The following MILR1 variants were observed in gnomAD, a reference collection of about 807,000 sequenced individuals.
The protein encoded by MILR1 is mast cell immunoglobulin like receptor 1, also known as allergin-1.
Under a neutral mutation model 18.5 loss-of-function variants are expected in MILR1, and 31 were observed. The observed-to-expected ratio is 1.68, with a 90% CI of 1.26 to 2.26. The LOEUF (loss-of-function observed/expected upper bound fraction) is 2.26. MILR1 is among the 30% of genes most tolerant of loss of function. The probability of loss-of-function intolerance (pLI) is 0.00; values close to 1 mark genes in which losing one functional copy is unlikely to be tolerated. For missense variants in MILR1, 257 were observed against 157.4 expected (o/e 1.63, Z -3.38); for synonymous variants, 85 against 56.2 (o/e 1.51, Z -2.30).
the MILR1 span, chr17:64,497,071 C>T: frequency 8.3e-7 from 1 of 1,204,544 alleles, no homozygotes. Flanking sequence ...GCAGGCGCAA[C>T]GGAGGTGAGC....
chr17:64,490,272 A>G, the MILR1 span, among the ~76,000 whole-genome samples: 1 of 152,204 alleles, frequency 6.6e-6, no homozygotes, highest in African/African-American at 2.4e-5. Context: ...GGAGAAATCT[A>G]GTAGAAACCA....
rs1198211479 is a variant in MILR1, at chr17:64,452,831, C to T, written c.332C>T (p.Ser111Leu). ...TGCAAAGCCCAAGTTACCAGCTGTT[C>T]AAAATACAGTCGTGACTTCAGCTTC... ...YKCKAQVTSC[S>L]KYSRDFSFTI... The change falls in exon 3 of 10, where the codon TCA becomes TTA. Residue 111 changes from serine to leucine, a missense_variant. Coordinates refer to ENST00000619286, the MANE Select transcript of MILR1 (RefSeq NM_001085423.2). 1 of 475,068 alleles carries T rather than the reference C, an allele frequency of 2.1e-6. No homozygotes were observed. The highest frequency in any genetic ancestry group is 3.9e-6 in the Non-Finnish European group (1 of 259,030). The allele number at this position is 475,068 out of a possible 1,614,324, so 29.4% of individuals were successfully genotyped here.
At chr17:64,460,341 A>G (rs2037404839) in intron 4 of MILR1, among the ~76,000 whole-genome samples, 15 of 150,676 alleles carry the variant, frequency 1.0e-4, no homozygotes, top group Non-Finnish European at 2.2e-4. Flanking sequence ...TTGTTTATTT[A>G]TTAACTTATT....
the MILR1 span, among the ~76,000 whole-genome samples, chr17:64,476,173 A>C: frequency 6.6e-6 from 1 of 152,188 alleles, no homozygotes; most frequent in Non-Finnish European, 1.5e-5. Flanking sequence ...TTATAAAGCA[A>C]GTCTCAATTA....
At chr17:64,474,450 C>G in the MILR1 span, among the ~76,000 whole-genome samples, 1 of 152,134 alleles carries the variant, frequency 6.6e-6, no homozygotes, top group Non-Finnish European at 1.5e-5. Flanking sequence ...TCCAAGCTCC[C>G]TGCGGCTTTG....
intron 5 of MILR1, 106 bp from the exon 6 acceptor site, chr17:64,465,346 T>C: frequency 1.3e-6 from 1 of 790,100 alleles, no homozygotes; most frequent in East Asian, 2.7e-5. Context: ...TTGGAGCAAG[T>C]CACTCTCTGT....
At chr17:64,460,485 A>G (rs2037407484) in intron 4 of MILR1, among the ~76,000 whole-genome samples, 1 of 152,142 alleles carries the variant, frequency 6.6e-6, no homozygotes, top group Non-Finnish European at 1.5e-5. Flanking sequence ...TCATAGGCAC[A>G]TGCCATCACA....
the MILR1 span, among the ~76,000 whole-genome samples, chr17:64,495,385 GC>G: frequency 2.6e-5 from 4 of 152,044 alleles, no homozygotes; most frequent in Non-Finnish European, 1.5e-5. Flanking sequence ...TTCAAGACCA[GC>G]CTGGACAACA....
chr17:64,450,676 G>A (rs1220217044), intron 2 of MILR1, among the ~76,000 whole-genome samples: 1 of 152,026 alleles, frequency 6.6e-6, no homozygotes, highest in African/African-American at 2.4e-5. Flanking sequence ...TAGAGACGGG[G>A]TGTCATCATG....
intron 4 of MILR1, 135 bp downstream of exon 4, chr17:64,457,819 A>G (rs2037334693): frequency 4.5e-6 from 2 of 446,190 alleles, no homozygotes; most frequent in Admixed American, 7.0e-5. Context: ...GTCAAGGTAG[A>G]AGGATAGAAG....
intron 2 of MILR1, among the ~76,000 whole-genome samples, chr17:64,452,217 C>T (rs1032858994): frequency 1.5e-4 from 23 of 151,620 alleles, no homozygotes; most frequent in African/African-American, 5.6e-4. Flanking sequence ...GGATTATAGG[C>T]GTCAACCACC....
chr17:64,483,154 T>G, the MILR1 span, among the ~76,000 whole-genome samples: 1 of 152,172 alleles, frequency 6.6e-6, no homozygotes, highest in Non-Finnish European at 1.5e-5. Context: ...GCTGAGGTCA[T>G]AAAAACACCA....
At chr17:64,478,038 A>C in the MILR1 span, 1 of 1,585,886 alleles carries the variant, frequency 6.3e-7, no homozygotes, top group Admixed American at 1.7e-5. Context: ...GTAAATAATA[A>C]ATTCCTCCAC....
At chr17:64,485,837 C>T in the MILR1 span, 5 of 1,613,948 alleles carry the variant, frequency 3.1e-6, no homozygotes, top group South Asian at 3.3e-5. Context: ...AGAGAGAACA[C>T]AAGGAACCAC....
the MILR1 span, among the ~76,000 whole-genome samples, chr17:64,479,007 T>G: frequency 2.0e-5 from 3 of 152,044 alleles, no homozygotes; most frequent in Non-Finnish European, 4.4e-5. Context: ...CAATAAAACC[T>G]TTACCATATA....
chr17:64,476,856 A>G, the MILR1 span, among the ~76,000 whole-genome samples: 6 of 151,532 alleles, frequency 4.0e-5, no homozygotes, highest in African/African-American at 1.2e-4. Flanking sequence ...AAAAAAAAAA[A>G]GAGAAAAACC....
At chr17:64,476,246 C>T in the MILR1 span, among the ~76,000 whole-genome samples, 1 of 152,008 alleles carries the variant, frequency 6.6e-6, no homozygotes, top group Non-Finnish European at 1.5e-5. Context: ...AACATACTAC[C>T]ATTATCACAC....
At chr17:64,484,485 A>C in the MILR1 span, among the ~76,000 whole-genome samples, 2 of 152,160 alleles carry the variant, frequency 1.3e-5, no homozygotes, top group South Asian at 2.1e-4. Flanking sequence ...GTGAGATGAG[A>C]AGCTTTCCTG....
intron 4 of MILR1, among the ~76,000 whole-genome samples, chr17:64,458,832 C>T (rs1035520973): frequency 6.6e-6 from 1 of 152,218 alleles, no homozygotes; most frequent in East Asian, 1.9e-4. Context: ...ACCAGTCTCT[C>T]CCCCAGCTCA....
Sources: allele counts gnomAD v4.1 joint callset (sites outside exome capture counted in the v4.1 genomes callset), GRCh38; gene constraint gnomAD v4.1.1; transcripts MANE v1.5; gene names NCBI Gene and HGNC (gene_info 2026-07-23, HGNC 2026-07-21).